Variants in FEM1B observed in about 807,000 individuals in gnomAD.
FEM1B encodes the protein fem-1 homolog B.
Under a neutral mutation model 38.6 loss-of-function variants are expected in FEM1B, and 10 were observed. The observed-to-expected ratio is 0.26, with a 90% CI of 0.16 to 0.44. The LOEUF (loss-of-function observed/expected upper bound fraction) is 0.44. Among genes scored for constraint, FEM1B ranks in the 20% least tolerant of loss-of-function variants. The pLI is 1.00. For missense variants in FEM1B, 471 were observed against 786.7 expected (o/e 0.60, Z 4.80); for synonymous variants, 288 against 288.0 (o/e 1.00, Z 0.00).
Position 68,291,263 on chromosome 15 carries a change from G to A in FEM1B, c.*21G>A, listed in dbSNP as rs746786246. The A allele has an allele frequency of 2.3e-5, 35 of 1,520,720 alleles. No homozygotes were observed. The highest frequency in any genetic ancestry group is 2.6e-5 in the Non-Finnish European group (29 of 1,128,168). 94.2% of individuals were successfully genotyped at this position (1,520,720 alleles called of 1,614,324 possible). Reference sequence around the variant, plus strand: ...ATTAAGTGACTGGATATGTAAAGTCGTTTAATGTGGTGCTAAAAAGTAAAG... The same window carrying A: ...ATTAAGTGACTGGATATGTAAAGTCATTTAATGTGGTGCTAAAAAGTAAAG... On this transcript the variant is annotated 3_prime_UTR_variant, in exon 2 of 2. Transcript: ENST00000306917. The surrounding 1 kb of genome is among the most constrained non-coding windows in gnomAD (Gnocchi z 6.9).
In FEM1B at chr15:68,289,552, AC is replaced by A; in HGVS notation, c.249-54del. On this transcript the variant is annotated intron_variant, in intron 1 of 1. Coordinates refer to ENST00000306917, the MANE Select transcript of FEM1B (RefSeq NM_015322.5). This position sits in a 1 kb window ranked among gnomAD's most constrained non-coding sequence, Gnocchi z 6.9. ...CGGTGGGAGTGAATACATCCCTTAA[AC>A]ATATGTTAGGCTGTGGCCTCTGTTA... 3 of 1,331,276 alleles carry A rather than the reference AC, an allele frequency of 2.3e-6. No individual in the cohort carries two copies. Among genetic ancestry groups the A allele is most frequent in the Non-Finnish European group, 3.2e-6 (3 of 936,940 alleles). The allele number at this position is 1,331,276 out of a possible 1,614,324, so 82.5% of individuals were successfully genotyped here.
rs1343514279 is a variant in FEM1B at position 68,289,265 on chromosome 15, G to T, written c.249-342G>T. 4 of 215,650 alleles carry T rather than the reference G, an allele frequency of 1.9e-5. No homozygotes were observed. In the Admixed American group the frequency reaches 2.1e-4, roughly 11 times the overall value. 13.4% of individuals were successfully genotyped at this position (215,650 alleles called of 1,614,324 possible). ...ACATGCTGTTCTCCTAGTAACCAGT[G>T]AATCAACTTGGTGATGAAGAAGCTA... On this transcript the variant is annotated intron_variant, in intron 1 of 1. Coordinates refer to ENST00000306917, the MANE Select transcript of FEM1B (RefSeq NM_015322.5). The surrounding 1 kb of genome is among the most constrained non-coding windows in gnomAD (Gnocchi z 6.9).
At position 68,289,428 on chromosome 15, in the gene FEM1B, TA is replaced by T. The variant is rs1373633829; in HGVS notation, c.249-178del. The T allele has an allele frequency of 1.2e-4, 69 of 593,910 alleles. No individual in the cohort carries two copies. The East Asian group carries it at 1.9e-3, about 16-fold the overall frequency. The allele number at this position is 593,910 out of a possible 1,614,324, so 36.8% of individuals were successfully genotyped here. A position where few individuals can be genotyped will look rare whatever the true frequency, so the allele number is the denominator to read the frequency against. On this transcript the variant is annotated intron_variant, in intron 1 of 1. Coordinates refer to ENST00000306917, the MANE Select transcript of FEM1B (RefSeq NM_015322.5). This position sits in a 1 kb window ranked among gnomAD's most constrained non-coding sequence, Gnocchi z 6.9. ...AGCTAGCATATATTGAGCTTTATAT[TA>T]GGTACAAGTACTATGCAAAGTGCTT...
chr15:68,285,150 C>A (rs568149640), intron 1 of FEM1B, among the ~76,000 whole-genome samples: 1 of 151,958 alleles, frequency 6.6e-6, no homozygotes, highest in Non-Finnish European at 1.5e-5. Context: ...TGGCTTTTTT[C>A]GCTTAACACA....
At position 68,289,847 on chromosome 15, in the gene FEM1B, T is replaced by C; in HGVS notation, c.489T>C (p.Tyr163=). ...YDNTCLMIAA[Y]KGHTDVVRYL... is the part of the protein sequence containing the mutation. ...ACACCTGCCTAATGATTGCGGCATA[T>C]AAGGGACACACTGATGTGGTCAGAT... Residue 163 remains tyrosine (Y), a synonymous_variant, in exon 2 of 2, where the codon TAT becomes TAC. Coordinates refer to ENST00000306917, the MANE Select transcript of FEM1B (RefSeq NM_015322.5). This position sits in a 1 kb window ranked among gnomAD's most constrained non-coding sequence, Gnocchi z 6.9. The C allele has an allele frequency of 1.2e-6, 2 of 1,614,112 alleles. No homozygotes were observed. Among genetic ancestry groups the C allele is most frequent in the Non-Finnish European group, 8.5e-7 (1 of 1,179,976 alleles).
rs1329426744 is a variant in FEM1B at position 68,291,010 on chromosome 15, C to G, written c.1652C>G (p.Thr551Ser). 6.2e-7 allele frequency: 1 copy of G among 1,614,126 alleles called. No individual in the cohort carries two copies. The highest frequency in any genetic ancestry group is 1.1e-5 in the South Asian group (1 of 91,084). ...QYNRPISDFL[T>S]LHSIIISLVE... is the part of the protein sequence containing the mutation. The stretch of plus-strand genomic sequence containing the variant: ...AACAGGCCCATCAGTGATTTTTTGA[C>G]CTTGCACTCCATCATCATTAGCCTA... Residue 551 changes from threonine to serine, a missense_variant, in exon 2 of 2, where the codon ACC (threonine) becomes AGC (serine). Physicochemically the swap from Thr to Ser is moderately conservative, Grantham distance 58. Transcript: ENST00000306917. The surrounding 1 kb of genome is among the most constrained non-coding windows in gnomAD (Gnocchi z 6.9).
At position 68,294,440 on chromosome 15, in the gene FEM1B, G is replaced by A. The variant is rs541605631; in HGVS notation, c.*3198G>A. 15 of 152,180 alleles carry A rather than the reference G, an allele frequency of 9.9e-5. No homozygotes were observed. The highest frequency in any genetic ancestry group is 3.4e-4 in the African/African-American group (14 of 41,526). 9.4% of individuals were successfully genotyped at this position (152,180 alleles called of 1,614,324 possible). ...TGTTTGAAGTAAAATATGATTTGGG[G>A]GCAGCAGCTTTCTAAATACCAACTC... On this transcript the variant is annotated 3_prime_UTR_variant, in exon 2 of 2. Transcript: ENST00000306917. This position sits in a 1 kb window ranked among gnomAD's most constrained non-coding sequence, Gnocchi z 4.4.
At position 68,291,352 on chromosome 15, in the gene FEM1B, TCCTC is replaced by T. The variant is rs1313440517; in HGVS notation, c.*113_*116del. 2.7e-6 allele frequency: 2 copies of T among 749,380 alleles called. No homozygotes were observed. Among genetic ancestry groups the T allele is most frequent in the Non-Finnish European group, 2.1e-6 (1 of 469,192 alleles). 46.4% of individuals were successfully genotyped at this position (749,380 alleles called of 1,614,324 possible). ...ATTCTGCTTTTCTTTCCACTACCCT[TCCTC>T]CCATCCCATCCTTCCTTAGTTCTGT... is the stretch of plus-strand genomic sequence containing the variant. On this transcript the variant is annotated 3_prime_UTR_variant, in exon 2 of 2. Transcript: ENST00000306917. The surrounding 1 kb of genome is among the most constrained non-coding windows in gnomAD (Gnocchi z 6.9).
chr15:68,290,517 C>T lies in FEM1B; in HGVS notation c.1159C>T (p.Arg387Ter). The T allele has an allele frequency of 1.9e-6, 3 of 1,614,144 alleles. No individual in the cohort carries two copies. The highest frequency in any genetic ancestry group is 2.5e-6 in the Non-Finnish European group (3 of 1,180,018). The change falls in exon 2 of 2, where the codon CGA becomes TGA. Residue 387 changes from arginine (R) to a stop codon, truncating the protein, a stop_gained. Transcript: ENST00000306917. LOFTEE classifies it high-confidence loss of function. This position sits in a 1 kb window ranked among gnomAD's most constrained non-coding sequence, Gnocchi z 9.7. ...GNRNTHKDLL[R>*]FAQVFSQMIH... ...CAGGAACACCCACAAGGATCTTCTT[C>T]GATTTGCTCAAGTTTTCTCACAAAT...
Position 68,290,123 on chromosome 15 carries a change from C to G in FEM1B, c.765C>G (p.Leu255=), listed in dbSNP as rs746375298. 12 of 1,614,000 alleles carry G rather than the reference C, an allele frequency of 7.4e-6. No homozygotes were observed. In the East Asian group the frequency reaches 2.4e-4, roughly 33 times the overall value. The change falls in exon 2 of 2, where the codon CTC becomes CTG. Residue 255 remains leucine (L), a synonymous_variant. Coordinates refer to ENST00000306917, the MANE Select transcript of FEM1B (RefSeq NM_015322.5). This position sits in a 1 kb window ranked among gnomAD's most constrained non-coding sequence, Gnocchi z 9.7. ...DRRSRIEALE[L]LGASFANDRE... Reference sequence around the variant, plus strand: ...GAAGTCGGATTGAAGCTTTGGAACTCTTGGGTGCCTCCTTTGCAAATGACC... The same window carrying G: ...GAAGTCGGATTGAAGCTTTGGAACTGTTGGGTGCCTCCTTTGCAAATGACC...
rs139085346 is a variant in FEM1B, at chr15:68,284,347, TATTTGGTATAAATTACCAAAGTA to T, written c.249-5243_249-5221del. Among the ~76,000 whole-genome samples, 2,334 of 152,292 alleles carry T rather than the reference TATTTGGTATAAATTACCAAAGTA, an allele frequency of 0.015. 60 individuals carry two copies. Among genetic ancestry groups the T allele is most frequent in the African/African-American group, 0.052 (2,172 of 41,542 alleles). On this transcript the variant is annotated intron_variant, in intron 1 of 1. Coordinates refer to ENST00000306917, the MANE Select transcript of FEM1B (RefSeq NM_015322.5). This position sits in a 1 kb window ranked among gnomAD's most constrained non-coding sequence, Gnocchi z 4.4. Reference sequence around the variant, plus strand: ...GCAGTGAATACAGTGCTTGGCACTGTATTTGGTATAAATTACCAAAGTAATTTGGTATAAATTACTTGAATTGA... The same window carrying T: ...GCAGTGAATACAGTGCTTGGCACTGTATTTGGTATAAATTACTTGAATTGA...
At position 68,289,573 on chromosome 15, in the gene FEM1B, C is replaced by T. The variant is rs1283273113; in HGVS notation, c.249-34C>T. 1.7e-5 allele frequency: 26 copies of T among 1,553,864 alleles called. No homozygotes were observed. The highest frequency in any genetic ancestry group is 3.4e-5 in the Admixed American group (2 of 59,258). On this transcript the variant is annotated intron_variant, in intron 1 of 1. Transcript: ENST00000306917. The surrounding 1 kb of genome is among the most constrained non-coding windows in gnomAD (Gnocchi z 6.9). ...TTAAACATATGTTAGGCTGTGGCCT[C>T]TGTTATCTAACTGCTTATTCTTTTC...
At position 68,289,623 on chromosome 15, in the gene FEM1B, G is replaced by A; in HGVS notation, c.265G>A (p.Ala89Thr). The A allele has an allele frequency of 6.2e-7, 1 of 1,613,708 alleles. No individual in the cohort carries two copies. The highest frequency in any genetic ancestry group is 8.5e-7 in the Non-Finnish European group (1 of 1,179,708). Residue 89 changes from alanine (A) to threonine (T), a missense_variant, in exon 2 of 2, where the codon GCC (alanine) becomes ACC (threonine). This residue lies in a region of FEM1B where 91 missense variants were observed against 169.6 expected (regional missense o/e 0.54). Coordinates refer to ENST00000306917, the MANE Select transcript of FEM1B (RefSeq NM_015322.5). The surrounding 1 kb of genome is among the most constrained non-coding windows in gnomAD (Gnocchi z 6.9). ...VRFDGYVIDG[A>T]TALWCAAGAG... ...CATGTGTAGGTATGTCATTGATGGT[G>A]CCACTGCTCTTTGGTGTGCAGCTGG...
rs1231777837 is a variant in FEM1B at position 68,284,165 on chromosome 15, G to A, written c.249-5442G>A. 1.3e-5 allele frequency among the ~76,000 whole-genome samples: 2 copies of A among 152,016 alleles called. No individual in the cohort carries two copies. The highest frequency in any genetic ancestry group is 2.9e-5 in the Non-Finnish European group (2 of 68,002). On this transcript the variant is annotated intron_variant, in intron 1 of 1. Coordinates refer to ENST00000306917, the MANE Select transcript of FEM1B (RefSeq NM_015322.5). The surrounding 1 kb of genome is among the most constrained non-coding windows in gnomAD (Gnocchi z 4.4). ...CTCCCAAAGTGTTGGGATTACAGAC[G>A]TGAGCCACTGTGCCCAGCCCTCATA... is the stretch of plus-strand genomic sequence containing the variant.
In FEM1B at chr15:68,294,447, G is replaced by C. The variant is rs1892881757; in HGVS notation, c.*3205G>C. ...AGTAAAATATGATTTGGGGGCAGCA[G>C]CTTTCTAAATACCAACTCTGTTTGA... is the stretch of plus-strand genomic sequence containing the variant. On this transcript the variant is annotated 3_prime_UTR_variant, in exon 2 of 2. Transcript: ENST00000306917. This position sits in a 1 kb window ranked among gnomAD's most constrained non-coding sequence, Gnocchi z 4.4. 6.6e-6 allele frequency: 1 copy of C among 152,130 alleles called. No individual in the cohort carries two copies. The highest frequency in any genetic ancestry group is 1.5e-5 in the Non-Finnish European group (1 of 68,014). 9.4% of individuals were successfully genotyped at this position (152,130 alleles called of 1,614,324 possible). A position where few individuals can be genotyped will look rare whatever the true frequency, so the allele number is the denominator to read the frequency against.
rs1892725315 is a variant in FEM1B at position 68,281,457 on chromosome 15, G to A, written c.248+2792G>A. On this transcript the variant is annotated intron_variant, in intron 1 of 1. Coordinates refer to ENST00000306917, the MANE Select transcript of FEM1B (RefSeq NM_015322.5). The surrounding 1 kb of genome is among the most constrained non-coding windows in gnomAD (Gnocchi z 5.1). ...TTTGCTGTGTGTTTTGTGTGTGTGC[G>A]TGAGAAAGACATACATTAAAATAAA... Among the ~76,000 whole-genome samples the A allele has an allele frequency of 6.6e-6, 1 of 152,150 alleles. No homozygotes were observed. The highest frequency in any genetic ancestry group is 2.4e-5 in the African/African-American group (1 of 41,416).
chr15:68,291,382 A>G lies in FEM1B; in HGVS notation c.*140A>G. The G allele has an allele frequency of 1.6e-6, 1 of 643,744 alleles. No individual in the cohort carries two copies. The highest frequency in any genetic ancestry group is 2.6e-6 in the Non-Finnish European group (1 of 389,806). The allele number at this position is 643,744 out of a possible 1,614,324, so 39.9% of individuals were successfully genotyped here. A position where few individuals can be genotyped will look rare whatever the true frequency, so the allele number is the denominator to read the frequency against. ...CCATCCCATCCTTCCTTAGTTCTGT[A>G]TTTGTTTTTCTTGCCTCATGGTAAT... On this transcript the variant is annotated 3_prime_UTR_variant, in exon 2 of 2. Transcript: ENST00000306917. The surrounding 1 kb of genome is among the most constrained non-coding windows in gnomAD (Gnocchi z 6.9).
Position 68,293,481 on chromosome 15 carries a change from A to G in FEM1B, c.*2239A>G, listed in dbSNP as rs967209292. 1 of 152,208 alleles carries G rather than the reference A, an allele frequency of 6.6e-6. No individual in the cohort carries two copies. Among genetic ancestry groups the G allele is most frequent in the Non-Finnish European group, 1.5e-5 (1 of 68,010 alleles). 9.4% of individuals were successfully genotyped at this position (152,208 alleles called of 1,614,324 possible). A position where few individuals can be genotyped will look rare whatever the true frequency, so the allele number is the denominator to read the frequency against. Reference sequence around the variant, plus strand: ...AGACATCAAAATTTAATGACATTCTATTTTGAGAAGGGAAGACAATGCTGA... The same window carrying G: ...AGACATCAAAATTTAATGACATTCTGTTTTGAGAAGGGAAGACAATGCTGA... On this transcript the variant is annotated 3_prime_UTR_variant, in exon 2 of 2. Transcript: ENST00000306917. This position sits in a 1 kb window ranked among gnomAD's most constrained non-coding sequence, Gnocchi z 5.8.
In FEM1B at chr15:68,280,367, G is replaced by T. The variant is rs1358702850; in HGVS notation, c.248+1702G>T. On this transcript the variant is annotated intron_variant, in intron 1 of 1. Transcript: ENST00000306917. The surrounding 1 kb of genome is among the most constrained non-coding windows in gnomAD (Gnocchi z 4.2). ...TGGTAGGGATTGGATATGCAGAGATGAATAACATACTCTTTTGTCTTGGAG... is the reference window on the plus strand; with the variant it reads ...TGGTAGGGATTGGATATGCAGAGATTAATAACATACTCTTTTGTCTTGGAG... The T allele has an allele frequency of 6.6e-6, 1 of 152,202 alleles. No individual in the cohort carries two copies. Among genetic ancestry groups the T allele is most frequent in the East Asian group, 1.9e-4 (1 of 5,194 alleles). 9.4% of individuals were successfully genotyped at this position (152,202 alleles called of 1,614,324 possible).
Sources: gnomAD v4.1 joint callset for allele counts (sites outside exome capture counted in the v4.1 genomes callset) on GRCh38, gnomAD v4.1.1 for gene constraint, gnomAD v4.1.1 regional missense constraint, Gnocchi (gnomAD v3.1) non-coding constraint, MANE v1.5 for transcripts, NCBI Gene and HGNC (gene_info 2026-07-23, HGNC 2026-07-21) for gene names.